KIF1B: variants seen among roughly 807,000 people sequenced by gnomAD.
KIF1B encodes the protein kinesin family member 1B.
Under a neutral mutation model 241.9 loss-of-function variants are expected in KIF1B, and 76 were observed. The observed-to-expected ratio is 0.31, with a 90% CI of 0.26 to 0.38. The LOEUF (loss-of-function observed/expected upper bound fraction) is 0.38, where lower values mean the gene tolerates loss of function less well. Ranked by LOEUF, KIF1B falls within the 10% of genes least tolerant of loss-of-function variation. KIF1B has a pLI of 1.00. For missense variants in KIF1B, 1,622 were observed against 2,271.4 expected (o/e 0.71, Z 5.81); for synonymous variants, 750 against 796.7 (o/e 0.94, Z 0.99).
Position 10,215,235 on chromosome 1 carries a change from G to A in KIF1B, c.-80+4357G>A, listed in dbSNP as rs1350035739. On this transcript the variant is annotated intron_variant, in intron 1 of 48. Coordinates refer to ENST00000676179, the MANE Select transcript of KIF1B (RefSeq NM_001365951.3). ...CTTGTTGCCCAGGCTGGAGTGCAAC[G>A]GCGCGATCTCGGCTCACCGTAACCT... Among the ~76,000 whole-genome samples, 3 of 134,260 alleles carry A rather than the reference G, an allele frequency of 2.2e-5. No homozygotes were observed. In the East Asian group the frequency reaches 6.9e-4, roughly 31 times the overall value. 88.1% of individuals were successfully genotyped at this position (134,260 alleles called of 152,430 possible).
chr1:10,290,768 G>A (rs1649956630), intron 15 of KIF1B, among the ~76,000 whole-genome samples: 1 of 151,752 alleles, frequency 6.6e-6, no homozygotes, highest in Non-Finnish European at 1.5e-5. Flanking sequence ...TGCTCGGGAG[G>A]CTGAGGCAGG....
At chr1:10,299,120 C>G (rs1447808042) in intron 22 of KIF1B, 1 of 145,300 alleles carries the variant, frequency 6.9e-6, no homozygotes, top group Non-Finnish European at 1.5e-5. Flanking sequence ...CAAAACAAGA[C>G]AAACAAAAAA....
intron 7 of KIF1B, among the ~76,000 whole-genome samples, chr1:10,271,258 C>A (rs1477100750): frequency 6.6e-6 from 1 of 151,856 alleles, no homozygotes; most frequent in Non-Finnish European, 1.5e-5. Context: ...CAGCTTTGAA[C>A]TCCTGGGCTC....
intron 15 of KIF1B, among the ~76,000 whole-genome samples, chr1:10,284,510 A>AC (rs1194284090): frequency 6.6e-6 from 1 of 152,020 alleles, no homozygotes; most frequent in East Asian, 1.9e-4. Context: ...ACATGGTGAA[A>AC]CCCCATCTCA....
rs1171902281 is a variant in KIF1B, at chr1:10,379,946, C to A, written c.*3359C>A. 2.6e-5 allele frequency: 6 copies of A among 229,268 alleles called. No homozygotes were observed. The East Asian group carries it at 3.1e-4, about 12-fold the overall frequency. The allele number at this position is 229,268 out of a possible 1,614,324, so 14.2% of individuals were successfully genotyped here. A position where few individuals can be genotyped will look rare whatever the true frequency, so the allele number is the denominator to read the frequency against. On this transcript the variant is annotated 3_prime_UTR_variant, in exon 49 of 49. Coordinates refer to ENST00000676179, the MANE Select transcript of KIF1B (RefSeq NM_001365951.3). ...CCCAGCTCGTTGTTAAACGTGCTGA[C>A]GGCAAGGGGCAATGGAGTGAGTTTC...
intron 24 of KIF1B, among the ~76,000 whole-genome samples, chr1:10,323,285 C>T (rs1344314307): frequency 6.6e-6 from 1 of 152,102 alleles, no homozygotes; most frequent in Non-Finnish European, 1.5e-5. Context: ...ACCTTTTGTT[C>T]TCTGGTATAA....
intron 7 of KIF1B, among the ~76,000 whole-genome samples, chr1:10,270,852 G>A (rs559249670): frequency 6.6e-6 from 1 of 151,820 alleles, no homozygotes; most frequent in East Asian, 1.9e-4. Context: ...TTTGAACCCA[G>A]GAGGTGGAGG....
intron 22 of KIF1B, among the ~76,000 whole-genome samples, chr1:10,312,416 C>T (rs937297772): frequency 6.6e-6 from 1 of 151,464 alleles, no homozygotes; most frequent in African/African-American, 2.5e-5. Flanking sequence ...CATAGTTCCT[C>T]CTGAGTCCCA....
At chr1:10,364,425 G>A (rs142403555) in intron 41 of KIF1B, among the ~76,000 whole-genome samples, 4,702 of 151,700 alleles carry the variant, frequency 0.031, 236 homozygotes, top group African/African-American at 0.11. Context: ...GGCTGGTCTC[G>A]AACTCCTGAC....
chr1:10,343,193 C>T (rs2102323631), intron 33 of KIF1B, 39 bp from the exon 34 acceptor site: 4 of 1,608,684 alleles, frequency 2.5e-6, no homozygotes, highest in Non-Finnish European at 3.4e-6. Context: ...AAATAAATAA[C>T]TCTTTATAGT....
chr1:10,244,881 G>A (rs938196350), intron 2 of KIF1B, among the ~76,000 whole-genome samples: 12 of 152,074 alleles, frequency 7.9e-5, no homozygotes, highest in African/African-American at 2.9e-4. Context: ...CAAAGGACTG[G>A]GATTACAGGC....
chr1:10,303,061 G>T lies in KIF1B; in HGVS notation c.2115+5815G>T. On this transcript the variant is annotated intron_variant, in intron 22 of 48. Coordinates refer to ENST00000676179, the MANE Select transcript of KIF1B (RefSeq NM_001365951.3). This position sits in a 1 kb window ranked among gnomAD's most constrained non-coding sequence, Gnocchi z 5.2. ...TTTTTTTGGTCTTATTTTTAAATTT[G>T]GTTAAGGCTTTTTTGCTTGCTTTTT... 2 of 1,376,022 alleles carry T rather than the reference G, an allele frequency of 1.5e-6. No individual in the cohort carries two copies. Among genetic ancestry groups the T allele is most frequent in the Non-Finnish European group, 2.0e-6 (2 of 1,017,430 alleles). The allele number at this position is 1,376,022 out of a possible 1,614,324, so 85.2% of individuals were successfully genotyped here. A position where few individuals can be genotyped will look rare whatever the true frequency, so the allele number is the denominator to read the frequency against.
intron 44 of KIF1B, among the ~76,000 whole-genome samples, 195 bp from the exon 45 acceptor site, chr1:10,370,946 G>C (rs1638715015): frequency 6.6e-6 from 1 of 152,128 alleles, no homozygotes; most frequent in Non-Finnish European, 1.5e-5. Context: ...CTGGGCAATA[G>C]AGCAAGGCCT....
chr1:10,322,483 T>C (rs1437161142), intron 24 of KIF1B, among the ~76,000 whole-genome samples: 1 of 152,202 alleles, frequency 6.6e-6, no homozygotes, highest in African/African-American at 2.4e-5. Flanking sequence ...ATAAATGTTA[T>C]TCATTTTTGT....
intron 22 of KIF1B, among the ~76,000 whole-genome samples, chr1:10,317,808 G>A (rs910051980): frequency 1.4e-5 from 2 of 140,962 alleles, no homozygotes; most frequent in Non-Finnish European, 3.0e-5. Flanking sequence ...TCCAACCTGG[G>A]TGACAGAGCG....
At chr1:10,238,742 A>G (rs1026928016) in intron 2 of KIF1B, among the ~76,000 whole-genome samples, 1 of 151,854 alleles carries the variant, frequency 6.6e-6, no homozygotes, top group Non-Finnish European at 1.5e-5. Context: ...ACAACAAAAA[A>G]CACCAAAAGA....
chr1:10,270,526 G>A (rs903312966), intron 7 of KIF1B, among the ~76,000 whole-genome samples: 3 of 152,308 alleles, frequency 2.0e-5, no homozygotes, highest in Non-Finnish European at 2.9e-5. Context: ...TATTACAAAC[G>A]AAGCTGATGT....
Position 10,375,014 on chromosome 1 carries a change from G to C in KIF1B, c.5257G>C (p.Glu1753Gln), listed in dbSNP as rs752246605. Reference protein sequence around the residue: ...GIINLSTAQVEYSEDQQAMVK... With the variant: ...GIINLSTAQVQYSEDQQAMVK... ...CATTAACCTGTCCACAGCACAGGTG[G>C]AGTACAGTGAGGACCAGCAGGCCAT... is the stretch of plus-strand genomic sequence containing the variant. Residue 1753 changes from glutamate (E) to glutamine (Q), a missense_variant, in exon 47 of 49, where the codon GAG (glutamate) becomes CAG (glutamine). Coordinates refer to ENST00000676179, the MANE Select transcript of KIF1B (RefSeq NM_001365951.3). 2 of 1,614,042 alleles carry C rather than the reference G, an allele frequency of 1.2e-6. No homozygotes were observed. The highest frequency in any genetic ancestry group is 1.7e-5 in the Admixed American group (1 of 59,996).
chr1:10,334,403 CT>C, intron 27 of KIF1B, 116 bp from the exon 28 acceptor site: 2 of 850,054 alleles, frequency 2.4e-6, no homozygotes, highest in Non-Finnish European at 4.1e-6. Context: ...GAGAAGGGGT[CT>C]TAAGACAAGG....
Sources: allele counts gnomAD v4.1 joint callset (sites outside exome capture counted in the v4.1 genomes callset), GRCh38; gene constraint gnomAD v4.1.1; non-coding constraint Gnocchi (gnomAD v3.1); transcripts MANE v1.5; gene names NCBI Gene and HGNC (gene_info 2026-07-23, HGNC 2026-07-21).